The following ERICH3 variants were observed in gnomAD, a reference collection of about 807,000 sequenced individuals.
ERICH3 encodes glutamate rich 3, also known as glutamate-rich protein 3.
ERICH3 carries 126 observed loss-of-function variants against 131.1 expected under a neutral mutation model. That is an observed-to-expected ratio of 0.96 (90% CI 0.83 to 1.11). The LOEUF (loss-of-function observed/expected upper bound fraction) is 1.11. ERICH3 is among the 50% of genes most tolerant of loss of function. The pLI is 0.00. For missense variants in ERICH3, 2,050 were observed against 1,810.7 expected (o/e 1.13, Z -2.40); for synonymous variants, 695 against 644.6 (o/e 1.08, Z -1.18).
intron 10 of ERICH3, among the ~76,000 whole-genome samples, chr1:74,600,358 C>A (rs1466664651): frequency 6.6e-6 from 1 of 151,750 alleles, no homozygotes; most frequent in Non-Finnish European, 1.5e-5. Flanking sequence ...ATTTGGATAT[C>A]AACTTAATGA....
chr1:74,672,241 A>G (rs1430238648), intron 1 of ERICH3, among the ~76,000 whole-genome samples: 1 of 152,248 alleles, frequency 6.6e-6, no homozygotes, highest in Non-Finnish European at 1.5e-5. Context: ...GCTGAAAAAT[A>G]GTGCTATTTG....
chr1:74,649,334 A>G lies in ERICH3; in HGVS notation c.24-19T>C. ...AAGTAACCTAAAATACAAAAATAAA[A>G]CCAATAAGCTTTTACAAGGGGTTGT... On this transcript the variant is annotated intron_variant, in intron 1 of 14. Transcript: ENST00000326665. The G allele has an allele frequency of 6.3e-7, 1 of 1,586,104 alleles. No homozygotes were observed. Among genetic ancestry groups the G allele is most frequent in the Admixed American group, 1.7e-5 (1 of 59,036 alleles).
At chr1:74,602,382 C>T (rs1178792480) in intron 10 of ERICH3, among the ~76,000 whole-genome samples, 1 of 151,916 alleles carries the variant, frequency 6.6e-6, no homozygotes, top group African/African-American at 2.4e-5. Context: ...AATAAGCCAG[C>T]GACATGCTTT....
intron 12 of ERICH3, among the ~76,000 whole-genome samples, chr1:74,587,441 T>C (rs534357160): frequency 6.6e-6 from 1 of 152,182 alleles, no homozygotes; most frequent in Non-Finnish European, 1.5e-5. Context: ...ATTATAGATG[T>C]TATCAAGTCA....
At chr1:74,596,472 G>A (rs896224710) in intron 11 of ERICH3, among the ~76,000 whole-genome samples, 1 of 151,890 alleles carries the variant, frequency 6.6e-6, no homozygotes, top group African/African-American at 2.4e-5. Context: ...TCATTTCTTT[G>A]TGGCGACAAT....
At position 74,571,839 on chromosome 1, in the gene ERICH3, C is replaced by T; in HGVS notation, c.3871G>A (p.Asp1291Asn). 6.2e-7 allele frequency: 1 copy of T among 1,612,602 alleles called. No homozygotes were observed. Among genetic ancestry groups the T allele is most frequent in the Non-Finnish European group, 8.5e-7 (1 of 1,180,040 alleles). ...TCCTCTTCCTCCTCTGGGTCCTCAT[C>T]CACCGCTTCCTCCCTGAACTTTTCT... ...MAEKFREEAV[D>N]EDPEEEEDKE... Residue 1291 changes from aspartate to asparagine, a missense_variant, in exon 14 of 15, where the codon GAT (aspartate) becomes AAT (asparagine). Asp to Asn is a conservative substitution (Grantham distance 23). Transcript: ENST00000326665.
intron 9 of ERICH3, 132 bp from the exon 10 acceptor site, chr1:74,607,034 C>G: frequency 3.2e-6 from 2 of 629,064 alleles, no homozygotes; most frequent in Non-Finnish European, 4.9e-6. Context: ...ACAGTACACA[C>G]TAATAAAAAT....
At chr1:74,610,318 A>G (rs1354419057) in intron 9 of ERICH3, among the ~76,000 whole-genome samples, 1 of 151,032 alleles carries the variant, frequency 6.6e-6, no homozygotes, top group African/African-American at 2.4e-5. Context: ...TGTATTGTTT[A>G]AGAAAATAGA....
intron 1 of ERICH3, among the ~76,000 whole-genome samples, chr1:74,653,439 G>A (rs1259424074): frequency 6.6e-6 from 1 of 151,018 alleles, no homozygotes; most frequent in East Asian, 1.9e-4. Context: ...GAGAGAGAGA[G>A]GAGAAAGAGA....
In ERICH3 at chr1:74,641,331, C is replaced by G; in HGVS notation, c.444G>C (p.Leu148=). ...VDEGHSSPLA[L]TAPRPYTAPG... ...TGACGAAGTGTTTAATATTACTCAC[C>G]AGTGCTAACGGACTGGAATGTCCTT... Residue 148 remains leucine (L), a splice_region_variant and synonymous_variant, in exon 5 of 15, where the codon CTG becomes CTC. Transcript: ENST00000326665. 1 of 1,611,282 alleles carries G rather than the reference C, an allele frequency of 6.2e-7. No individual in the cohort carries two copies. Among genetic ancestry groups the G allele is most frequent in the Non-Finnish European group, 8.5e-7 (1 of 1,178,820 alleles).
intron 13 of ERICH3, among the ~76,000 whole-genome samples, chr1:74,574,748 T>C (rs879076804): frequency 6.6e-6 from 1 of 152,218 alleles, no homozygotes; most frequent in Admixed American, 6.5e-5. Context: ...CAAAGTGGAT[T>C]TTTTTACTAT....
At chr1:74,634,873 G>A (rs148723624) in intron 6 of ERICH3, 39 of 495,882 alleles carry the variant, frequency 7.9e-5, no homozygotes, top group East Asian at 6.8e-4. Flanking sequence ...GGCCTTATAC[G>A]ATTAACATTC....
In ERICH3 at chr1:74,641,471, A is replaced by C. The variant is rs115687850; in HGVS notation, c.316-12T>G. The C allele has an allele frequency of 6.2e-7, 1 of 1,609,110 alleles. No homozygotes were observed. The highest frequency in any genetic ancestry group is 8.5e-7 in the Non-Finnish European group (1 of 1,178,096). On this transcript the variant is annotated splice_polypyrimidine_tract_variant and intron_variant, in intron 4 of 14. Transcript: ENST00000326665. ...CTTGTGTGCTCTCCCTAGAATAAGA[A>C]AGCAATTTAGCAAATAGATGCATAG...
chr1:74,609,766 A>T (rs991696826), intron 9 of ERICH3, among the ~76,000 whole-genome samples: 4 of 152,124 alleles, frequency 2.6e-5, no homozygotes, highest in Admixed American at 2.6e-4. Flanking sequence ...ATTCTTCTAT[A>T]AGAACTGTGC....
intron 12 of ERICH3, among the ~76,000 whole-genome samples, chr1:74,578,919 G>C (rs1464347116): frequency 6.6e-6 from 1 of 152,070 alleles, no homozygotes; most frequent in Non-Finnish European, 1.5e-5. Context: ...ACAATATTAG[G>C]ACGACAAACA....
At chr1:74,570,998 A>G (rs982677717) in intron 14 of ERICH3, 101 bp downstream of exon 14, 14 of 1,394,392 alleles carry the variant, frequency 1.0e-5, no homozygotes, top group Non-Finnish European at 1.4e-5. Flanking sequence ...GTGTGTTTAT[A>G]TGTGCACAGA....
Position 74,569,486 on chromosome 1 carries a change from A to G in ERICH3, c.*972T>C, listed in dbSNP as rs1257117971. On this transcript the variant is annotated 3_prime_UTR_variant, in exon 15 of 15. Transcript: ENST00000326665. ...ATTTAGAATGCAGTTGTTACTGTTG[A>G]TTTATAATGAACTGCAAGGTTAGTT... 2.6e-5 allele frequency: 4 copies of G among 152,148 alleles called. No homozygotes were observed. The highest frequency in any genetic ancestry group is 7.2e-5 in the African/African-American group (3 of 41,438). The allele number at this position is 152,148 out of a possible 1,614,324, so 9.4% of individuals were successfully genotyped here. A position where few individuals can be genotyped will look rare whatever the true frequency, so the allele number is the denominator to read the frequency against.
Position 74,571,246 on chromosome 1 carries a change from C to T in ERICH3, c.4464G>A (p.Pro1488=), listed in dbSNP as rs1471619699. The change falls in exon 14 of 15, where the codon CCG becomes CCA. Residue 1488 remains proline (P), a synonymous_variant. Coordinates refer to ENST00000326665, the MANE Select transcript of ERICH3 (RefSeq NM_001002912.5). ...LSREGERELS[P]ESLQAMATLP... Reference sequence around the variant, plus strand: ...GTGTTGCCATCGCCTGTAGACTCTCCGGACTCAATTCCCTCTCTCCCTCCC... The same window carrying T: ...GTGTTGCCATCGCCTGTAGACTCTCTGGACTCAATTCCCTCTCTCCCTCCC... 22 of 1,613,972 alleles carry T rather than the reference C, an allele frequency of 1.4e-5. No homozygotes were observed. The highest frequency in any genetic ancestry group is 1.8e-5 in the Non-Finnish European group (21 of 1,180,022).
At chr1:74,626,977 T>A (rs900650022) in intron 7 of ERICH3, among the ~76,000 whole-genome samples, 5 of 152,172 alleles carry the variant, frequency 3.3e-5, no homozygotes, top group Admixed American at 1.3e-4. Context: ...TCCTTTTTTT[T>A]AAGAGCCTTT....
Sources: allele counts gnomAD v4.1 joint callset (sites outside exome capture counted in the v4.1 genomes callset), GRCh38; gene constraint gnomAD v4.1.1; transcripts MANE v1.5; gene names NCBI Gene and HGNC (gene_info 2026-07-23, HGNC 2026-07-21).